PLCB4: variants seen among roughly 807,000 people sequenced by gnomAD.
The protein encoded by PLCB4 is phospholipase C beta 4, also known as 1-phosphatidylinositol 4,5-bisphosphate phosphodiesterase beta-4.
Under a neutral mutation model 178.8 loss-of-function variants are expected in PLCB4, and 77 were observed. That is an observed-to-expected ratio of 0.43 (90% CI 0.36 to 0.52). PLCB4 has a LOEUF of 0.52. PLCB4 is among the 20% of genes least tolerant of loss of function. The pLI, the probability that PLCB4 is intolerant of heterozygous loss-of-function variation, is 0.00. For missense variants in PLCB4, 1,024 were observed against 1,453.4 expected (o/e 0.70, Z 4.80); for synonymous variants, 496 against 490.8 (o/e 1.01, Z -0.14).
chr20:9,159,058 C>A (rs1382417141), intron 2 of PLCB4, among the ~76,000 whole-genome samples: 2 of 152,146 alleles, frequency 1.3e-5, no homozygotes, highest in Non-Finnish European at 2.9e-5. Context: ...ATTATTAAGC[C>A]AATCCAAGTA....
At chr20:9,147,853 A>G (rs986391764) in intron 2 of PLCB4, among the ~76,000 whole-genome samples, 2 of 152,162 alleles carry the variant, frequency 1.3e-5, no homozygotes, top group Non-Finnish European at 2.9e-5. Flanking sequence ...CTGTGGTTAC[A>G]GGGAGGGAGA....
chr20:9,315,202 C>G (rs2094885612), intron 4 of PLCB4, among the ~76,000 whole-genome samples: 1 of 152,172 alleles, frequency 6.6e-6, no homozygotes, highest in Non-Finnish European at 1.5e-5. Context: ...TTCACACACT[C>G]TGTATATTGT....
At chr20:9,228,877 G>A (rs376393199) in intron 3 of PLCB4, among the ~76,000 whole-genome samples, 1 of 152,196 alleles carries the variant, frequency 6.6e-6, no homozygotes, top group South Asian at 2.1e-4. Context: ...TCCTAAAGCT[G>A]AGATGGAGAG....
chr20:9,141,633 A>G (rs1309964970), intron 2 of PLCB4, among the ~76,000 whole-genome samples: 2 of 152,156 alleles, frequency 1.3e-5, no homozygotes, highest in Non-Finnish European at 2.9e-5. Context: ...CTCCATATGT[A>G]TCTCCGTGGA....
intron 24 of PLCB4, among the ~76,000 whole-genome samples, 169 bp from the exon 25 acceptor site, chr20:9,410,868 A>G (rs771336822): frequency 2.0e-5 from 3 of 152,324 alleles, no homozygotes; most frequent in Non-Finnish European, 4.4e-5. Flanking sequence ...CATGAGGTCA[A>G]TTCAACATGG....
In PLCB4 at chr20:9,371,244, A is replaced by G. The variant is rs753931893; in HGVS notation, c.534A>G (p.Thr178=). Residue 178 remains threonine (T), a synonymous_variant, in exon 10 of 40, where the codon ACA becomes ACG. Coordinates refer to ENST00000378473, the MANE Select transcript of PLCB4 (RefSeq NM_001377142.1). ...SITRTFASGK[T]EKVIFQALKE... ...CTAGAACATTTGCATCGGGAAAAAC[A>G]GAAAAGGTGATCTTTCAAGCACTCA... 1 of 1,610,302 alleles carries G rather than the reference A, an allele frequency of 6.2e-7. No individual in the cohort carries two copies. The highest frequency in any genetic ancestry group is 1.1e-5 in the South Asian group (1 of 91,036).
chr20:9,251,639 T>G (rs1366618090), intron 3 of PLCB4, among the ~76,000 whole-genome samples: 3 of 152,154 alleles, frequency 2.0e-5, no homozygotes, highest in African/African-American at 7.2e-5. Context: ...GTGGCTCCCT[T>G]TTTTTACTAA....
intron 3 of PLCB4, among the ~76,000 whole-genome samples, chr20:9,301,251 A>G (rs1261851293): frequency 6.6e-6 from 1 of 151,886 alleles, no homozygotes; most frequent in Non-Finnish European, 1.5e-5. Context: ...TGCAGCAGTT[A>G]GGAGGTGGGT....
At chr20:9,173,549 C>T (rs533080648) in intron 2 of PLCB4, among the ~76,000 whole-genome samples, 9 of 152,234 alleles carry the variant, frequency 5.9e-5, no homozygotes, top group Middle Eastern at 3.4e-3. Flanking sequence ...CCTGCAGGAC[C>T]GTGTTTTTTC....
chr20:9,148,349 G>T (rs1271005710), intron 2 of PLCB4, among the ~76,000 whole-genome samples: 1 of 152,116 alleles, frequency 6.6e-6, no homozygotes, highest in East Asian at 1.9e-4. Flanking sequence ...ATTCCTCCTG[G>T]AGGAAATGAA....
chr20:9,319,230 A>T (rs201225079), intron 4 of PLCB4, among the ~76,000 whole-genome samples: 17 of 120,444 alleles, frequency 1.4e-4, no homozygotes, highest in African/African-American at 4.5e-4. Flanking sequence ...AAATTTTTTT[A>T]AAAAATCAAG....
At chr20:9,346,429 G>A (rs2148126895) in intron 7 of PLCB4, among the ~76,000 whole-genome samples, 1 of 152,288 alleles carries the variant, frequency 6.6e-6, no homozygotes, top group South Asian at 2.1e-4. Flanking sequence ...GAATACTAAA[G>A]CAGCTAAATT....
chr20:9,327,358 G>C (rs905388175), intron 4 of PLCB4, among the ~76,000 whole-genome samples: 3 of 151,586 alleles, frequency 2.0e-5, no homozygotes, highest in Admixed American at 1.3e-4. Context: ...GAGGCAGGAG[G>C]ATTGCTTGAG....
intron 38 of PLCB4, among the ~76,000 whole-genome samples, chr20:9,476,443 T>C (rs1213045623): frequency 6.6e-6 from 1 of 152,172 alleles, no homozygotes; most frequent in Non-Finnish European, 1.5e-5. Context: ...GTAAAAGGTT[T>C]TGCTTAAAGG....
At chr20:9,376,392 C>T (rs1206976537) in intron 12 of PLCB4, among the ~76,000 whole-genome samples, 1 of 152,202 alleles carries the variant, frequency 6.6e-6, no homozygotes, top group Non-Finnish European at 1.5e-5. Flanking sequence ...ATGAGAGCGA[C>T]ATATACCTTC....
chr20:9,391,226 C>T (rs955449036), intron 17 of PLCB4, among the ~76,000 whole-genome samples: 13 of 152,160 alleles, frequency 8.5e-5, no homozygotes, highest in Non-Finnish European at 1.9e-4. Flanking sequence ...AACCTGTGCT[C>T]CATAGATAGG....
At chr20:9,379,384 G>A (rs962365732) in intron 12 of PLCB4, among the ~76,000 whole-genome samples, 10 of 152,146 alleles carry the variant, frequency 6.6e-5, no homozygotes, top group Admixed American at 1.3e-4. Context: ...CTTAAGTCCC[G>A]TAATCATTCA....
chr20:9,195,791 G>C (rs2093464076), intron 2 of PLCB4, among the ~76,000 whole-genome samples: 1 of 152,078 alleles, frequency 6.6e-6, no homozygotes, highest in Non-Finnish European at 1.5e-5. Flanking sequence ...ATAAATCTCA[G>C]TTTATATATA....
intron 2 of PLCB4, among the ~76,000 whole-genome samples, chr20:9,204,451 C>T (rs7363262): frequency 0.044 from 6,735 of 152,068 alleles, 497 homozygotes; most frequent in African/African-American, 0.15. Flanking sequence ...CCTCTGCCTC[C>T]TGGGTTCAAG....
Sources: allele counts gnomAD v4.1 joint callset (sites outside exome capture counted in the v4.1 genomes callset), GRCh38; gene constraint gnomAD v4.1.1; transcripts MANE v1.5; gene names NCBI Gene and HGNC (gene_info 2026-07-23, HGNC 2026-07-21).